MTCH1: variants seen among roughly 807,000 people sequenced by gnomAD.
The protein encoded by MTCH1 is mitochondrial carrier homolog 1.
A neutral mutation model predicts 49.3 loss-of-function variants in MTCH1; 23 were observed. The observed-to-expected ratio is 0.47, with a 90% CI of 0.34 to 0.66. The LOEUF is 0.66. Among genes scored for constraint, MTCH1 ranks in the 30% least tolerant of loss-of-function variants. MTCH1 has a pLI of 0.01. For missense variants in MTCH1, 397 were observed against 532.1 expected (o/e 0.75, Z 2.50); for synonymous variants, 229 against 215.2 (o/e 1.06, Z -0.56).
At chr6:36,979,530 T>C (rs9470448) in intron 2 of MTCH1, among the ~76,000 whole-genome samples, 11,455 of 152,216 alleles carry the variant, frequency 0.075, 525 homozygotes, top group Middle Eastern at 0.2. Context: ...AAATATGCCT[T>C]TTGCTCCTCC....
intron 11 of MTCH1, chr6:36,969,785 T>C: frequency 7.1e-7 from 1 of 1,407,628 alleles, no homozygotes; most frequent in Non-Finnish European, 9.3e-7. Context: ...CCTAAGAGTC[T>C]TTAAGACTCA....
intron 11 of MTCH1, chr6:36,969,304 G>C (rs1763588986): frequency 1.0e-6 from 1 of 985,392 alleles, no homozygotes; most frequent in Non-Finnish European, 1.2e-6. Context: ...CGCTGACCAG[G>C]GCCACTGGGA....
intron 2 of MTCH1, 113 bp downstream of exon 2, chr6:36,981,475 C>G: frequency 2.1e-6 from 2 of 936,590 alleles, no homozygotes; most frequent in Non-Finnish European, 3.2e-6. Flanking sequence ...TCCATGCCAG[C>G]TCGACTGCGT....
At chr6:36,983,373 G>C (rs1380369147) in intron 1 of MTCH1, among the ~76,000 whole-genome samples, 1 of 152,168 alleles carries the variant, frequency 6.6e-6, no homozygotes, top group Non-Finnish European at 1.5e-5. Flanking sequence ...CGCCACAACT[G>C]CTCTTTTGCT....
rs768308231 is a variant in MTCH1 at position 36,978,158 on chromosome 6, G to C, written c.514-3C>G. On this transcript the variant is annotated splice_polypyrimidine_tract_variant and splice_region_variant and intron_variant, in intron 3 of 11. Coordinates refer to ENST00000373627, the MANE Select transcript of MTCH1 (RefSeq NM_001271641.2). The stretch of plus-strand genomic sequence containing the variant: ...TCAATCTCATCTGGAGGGAAAACCT[G>C]AAACAGAGAAGGGAAAGAACCAAGT... 9.9e-6 allele frequency: 16 copies of C among 1,611,160 alleles called. 1 individual carries two copies. The South Asian group carries it at 1.8e-4, about 18-fold the overall frequency.
chr6:36,986,209 C>CGG, upstream of MTCH1: 1 of 1,406,362 alleles, frequency 7.1e-7, no homozygotes, highest in South Asian at 1.5e-5. Context: ...CGTCACGTGA[C>CGG]GGGGCCACGC....
intron 7 of MTCH1, 149 bp downstream of exon 7, chr6:36,975,509 G>A (rs1001099003): frequency 1.1e-5 from 8 of 709,774 alleles, no homozygotes; most frequent in East Asian, 1.1e-4. Flanking sequence ...ACACGCTATG[G>A]AGCTCTGGAG....
intron 6 of MTCH1, 64 bp from the exon 7 acceptor site, chr6:36,975,781 G>A: frequency 6.7e-7 from 1 of 1,496,616 alleles, no homozygotes; most frequent in South Asian, 1.1e-5. Context: ...CCACCCGTTG[G>A]TGTGGGGCTG....
chr6:36,978,581 A>G lies in MTCH1; in HGVS notation c.437T>C (p.Ile146Thr), dbSNP rs756148781. 5 of 1,614,148 alleles carry G rather than the reference A, an allele frequency of 3.1e-6. No homozygotes were observed. The South Asian group carries it at 5.5e-5, about 18-fold the overall frequency. ...GGGACTCAGGCCTCGGAACAGCCCT[A>G]TCTTACCATCCACTTGCACGATGTA... Reference protein sequence around the residue: ...AKYIVQVDGKIGLFRGLSPRL... With the variant: ...AKYIVQVDGKTGLFRGLSPRL... The change falls in exon 3 of 12, where the codon ATA becomes ACA. Residue 146 changes from isoleucine to threonine, a missense_variant. By Grantham distance (89) the Ile-to-Thr change is moderately conservative (BLOSUM62 -1). Around this residue, in one of 2 missense-constraint regions of MTCH1, gnomAD observed 252 missense variants for 388.3 expected, o/e 0.65. Transcript: ENST00000373627.
Position 36,982,536 on chromosome 6 carries a change from C to T in MTCH1, c.322-864G>A, listed in dbSNP as rs540269676. 8.9e-4 allele frequency among the ~76,000 whole-genome samples: 135 copies of T among 152,186 alleles called. No homozygotes were observed. Among genetic ancestry groups the T allele is most frequent in the Non-Finnish European group, 1.7e-3 (118 of 67,992 alleles). On this transcript the variant is annotated intron_variant, in intron 1 of 11. Coordinates refer to ENST00000373627, the MANE Select transcript of MTCH1 (RefSeq NM_001271641.2). The surrounding 1 kb of genome is among the most constrained non-coding windows in gnomAD (Gnocchi z 4.1). ...CCAAGTAGCTGGGAATACAAGCACC[C>T]GCCACCATACCCGGCAAATTTTTTG...
chr6:36,984,523 A>G (rs1440896214), intron 1 of MTCH1, among the ~76,000 whole-genome samples: 4 of 152,078 alleles, frequency 2.6e-5, no homozygotes, highest in Non-Finnish European at 5.9e-5. Context: ...TCTCGGTTCA[A>G]TTATAAAGAT....
At chr6:36,981,754 C>A in intron 1 of MTCH1, 82 bp from the exon 2 acceptor site, 1 of 1,156,016 alleles carries the variant, frequency 8.7e-7, no homozygotes, top group African/African-American at 1.6e-5. Flanking sequence ...CCTCTTGCCC[C>A]CTTTGCTTAA....
At chr6:36,986,254 C>T (rs1404361332), upstream of MTCH1, 19 of 1,280,612 alleles carry the variant, frequency 1.5e-5, no homozygotes, top group Non-Finnish European at 1.7e-5. Context: ...GGCCGGGGCG[C>T]ACCACTCCAG....
At chr6:36,975,061 G>A (rs963714955) in intron 7 of MTCH1, among the ~76,000 whole-genome samples, 9 of 152,206 alleles carry the variant, frequency 5.9e-5, no homozygotes, top group African/African-American at 2.2e-4. Flanking sequence ...GGGTGTCTGC[G>A]GCCCTCGGAG....
At chr6:36,981,448 A>G in intron 2 of MTCH1, 140 bp downstream of exon 2, 1 of 714,102 alleles carries the variant, frequency 1.4e-6, no homozygotes, top group Non-Finnish European at 2.3e-6. Flanking sequence ...CTCTCTGTAC[A>G]CGCTTAGATC....
intron 2 of MTCH1, among the ~76,000 whole-genome samples, chr6:36,981,298 G>T (rs992593916): frequency 1.1e-4 from 16 of 152,116 alleles, no homozygotes; most frequent in Non-Finnish European, 2.2e-4. Context: ...AAATAATAGG[G>T]ACCAGTGTCC....
rs1561911231 is a variant in MTCH1 at position 36,981,648 on chromosome 6, T to C, written c.346A>G (p.Thr116Ala). Residue 116 changes from threonine to alanine, a missense_variant, in exon 2 of 12, where the codon ACC becomes GCC. Physicochemically the swap from Thr to Ala is moderately conservative, Grantham distance 58 (BLOSUM62 0). Coordinates refer to ENST00000373627, the MANE Select transcript of MTCH1 (RefSeq NM_001271641.2). The part of the protein sequence containing the change: ...IQVGHEPMPP[T>A]LGTNVLGRKV... ...CTCCCCAGCACATTGGTCCCAAGGG[T>C]GGGGGGCATCGGCTCATGACCCACC... The C allele has an allele frequency of 1.9e-6, 3 of 1,613,448 alleles. No individual in the cohort carries two copies. In the South Asian group the frequency reaches 3.3e-5, roughly 18 times the overall value.
At chr6:36,984,032 T>G (rs994756632) in intron 1 of MTCH1, among the ~76,000 whole-genome samples, 10 of 152,080 alleles carry the variant, frequency 6.6e-5, no homozygotes, top group Admixed American at 4.6e-4. Context: ...CATTTCAATG[T>G]TCTTTCAAAC....
upstream of MTCH1, chr6:36,986,234 CA>C: frequency 7.4e-7 from 1 of 1,357,976 alleles, no homozygotes; most frequent in Middle Eastern, 2.7e-4. Context: ...TCACCGGCGT[CA>C]GGGGGCGGGG....
Sources: allele counts gnomAD v4.1 joint callset (sites outside exome capture counted in the v4.1 genomes callset), GRCh38; gene constraint gnomAD v4.1.1; regional missense constraint gnomAD v4.1.1; non-coding constraint Gnocchi (gnomAD v3.1); transcripts MANE v1.5; gene names NCBI Gene and HGNC (gene_info 2026-07-23, HGNC 2026-07-21).